XKR5: variants seen among roughly 807,000 people sequenced by gnomAD.
XKR5 encodes XK related 5, also known as XK-related protein 5.
A neutral mutation model predicts 40.8 loss-of-function variants in XKR5; 46 were observed. The observed-to-expected ratio is 1.13, with a 90% CI of 0.89 to 1.44. XKR5 has a LOEUF of 1.44. XKR5 is among the 40% of genes most tolerant of loss of function. The pLI, the probability that XKR5 is intolerant of heterozygous loss-of-function variation, is 0.00. For synonymous variants in XKR5, 466 were observed against 356.1 expected, an observed-to-expected ratio of 1.31 and a Z score of -3.48; for missense variants, 1,169 against 844.7, an observed-to-expected ratio of 1.38 and a Z score of -4.76.
intron 1 of XKR5, 27 bp from the exon 2 acceptor site, chr8:6,832,927 G>T: frequency 6.5e-7 from 1 of 1,527,934 alleles, no homozygotes; most frequent in Non-Finnish European, 8.8e-7. Context: ...AAGGCAAGCA[G>T]GTTGTTGGAA....
In XKR5 at chr8:6,809,986, G is replaced by C. The variant is rs1223263430; in HGVS notation, c.*1212C>G. On this transcript the variant is annotated 3_prime_UTR_variant, in exon 7 of 7. Coordinates refer to ENST00000618742, the MANE Select transcript of XKR5 (RefSeq NM_207411.5). Reference sequence around the variant, plus strand: ...AAGTAGCCAGGCATGGTGCCCACCTGCCAGTAGTCCCAGCTACTCGAGAGG... The same window carrying C: ...AAGTAGCCAGGCATGGTGCCCACCTCCCAGTAGTCCCAGCTACTCGAGAGG... 1.3e-5 allele frequency: 2 copies of C among 152,166 alleles called. No homozygotes were observed. Among genetic ancestry groups the C allele is most frequent in the African/African-American group, 4.8e-5 (2 of 41,418 alleles). The allele number at this position is 152,166 out of a possible 1,614,324, so 9.4% of individuals were successfully genotyped here. A position where few individuals can be genotyped will look rare whatever the true frequency, so the allele number is the denominator to read the frequency against.
At chr8:6,820,047 C>G (rs913792402) in intron 5 of XKR5, among the ~76,000 whole-genome samples, 1 of 152,246 alleles carries the variant, frequency 6.6e-6, no homozygotes. Context: ...TAGCAACAAC[C>G]ATTTCAGAGA....
chr8:6,832,573 G>T lies in XKR5; in HGVS notation c.242+144C>A, dbSNP rs1008795729. On this transcript the variant is annotated intron_variant, in intron 2 of 6. Transcript: ENST00000618742. Reference sequence around the variant, plus strand: ...TGGACCCGGGCATGCCAATATCAGAGCAGGGGTTTGCTGTGGCCGCTTTGA... The same window carrying T: ...TGGACCCGGGCATGCCAATATCAGATCAGGGGTTTGCTGTGGCCGCTTTGA... 4.8e-5 allele frequency: 47 copies of T among 976,504 alleles called. 1 individual carries two copies. Among genetic ancestry groups the T allele is most frequent in the Non-Finnish European group, 4.5e-6 (3 of 665,730 alleles). 60.5% of individuals were successfully genotyped at this position (976,504 alleles called of 1,614,324 possible). A position where few individuals can be genotyped will look rare whatever the true frequency, so the allele number is the denominator to read the frequency against.
intron 2 of XKR5, among the ~76,000 whole-genome samples, chr8:6,831,619 C>T (rs1420205455): frequency 2.0e-5 from 3 of 152,086 alleles, no homozygotes; most frequent in Non-Finnish European, 4.4e-5. Context: ...GCAGCATTGG[C>T]CACGACCCCT....
rs761083619 is a variant in XKR5, at chr8:6,811,537, C to T, written c.1722G>A (p.Lys574=). 8 of 1,534,316 alleles carry T rather than the reference C, an allele frequency of 5.2e-6. No individual in the cohort carries two copies. The African/African-American group carries it at 6.8e-5, about 13-fold the overall frequency. ...QTAHSGRRLG[K]SSPAQPASPH... is the part of the protein sequence containing the mutation. ...GCGATGCAGGCTGGGCAGGGCTGCT[C>T]TTTCCCAGCCTCCTTCCAGAGTGGG... Residue 574 remains lysine (K), a synonymous_variant, in exon 7 of 7, where the codon AAG becomes AAA. Coordinates refer to ENST00000618742, the MANE Select transcript of XKR5 (RefSeq NM_207411.5).
rs1803938691 is a variant in XKR5, at chr8:6,815,930, A to G, written c.808-12T>C. 4 of 1,581,030 alleles carry G rather than the reference A, an allele frequency of 2.5e-6. No individual in the cohort carries two copies. The highest frequency in any genetic ancestry group is 1.7e-6 in the Non-Finnish European group (2 of 1,161,842). On this transcript the variant is annotated splice_polypyrimidine_tract_variant and intron_variant, in intron 5 of 6. Coordinates refer to ENST00000618742, the MANE Select transcript of XKR5 (RefSeq NM_207411.5). The stretch of plus-strand genomic sequence containing the variant: ...TCCAACAGCATGACCTGCGGGACCC[A>G]GGACAGAGGCACCACACCTCGTCAG...
intron 5 of XKR5, among the ~76,000 whole-genome samples, chr8:6,820,168 C>G (rs544690074): frequency 7.9e-5 from 12 of 152,348 alleles, no homozygotes; most frequent in Admixed American, 2.0e-4. Context: ...GCCTAAAGCC[C>G]ATGTTCCCCA....
intron 2 of XKR5, chr8:6,829,112 T>G (rs568340777): frequency 6.3e-5 from 10 of 158,276 alleles, no homozygotes; most frequent in African/African-American, 2.2e-4. Context: ...GGGCTATATT[T>G]TATATACTTT....
intron 4 of XKR5, among the ~76,000 whole-genome samples, chr8:6,823,246 C>T (rs563404484): frequency 2.0e-5 from 3 of 152,166 alleles, no homozygotes; most frequent in Non-Finnish European, 4.4e-5. Context: ...CAATGCTGAG[C>T]CAGTTCTGAG....
Position 6,815,891 on chromosome 8 carries a change from A to G in XKR5, c.835T>C (p.Leu279=), listed in dbSNP as rs546437126. 10 of 1,603,320 alleles carry G rather than the reference A, an allele frequency of 6.2e-6. No individual in the cohort carries two copies. In the Admixed American group the frequency reaches 1.4e-4, roughly 22 times the overall value. ...MVMLLENIIL[L]LLATDFLQGA... ...TGGAGAAAGTCGGTGGCCAACAGCA[A>G]CAGGATGATGTTCTCCAACAGCATG... The change falls in exon 6 of 7, where the codon TTG becomes CTG. Residue 279 remains leucine (L), a synonymous_variant. Transcript: ENST00000618742.
chr8:6,829,912 A>T (rs1299766319), intron 2 of XKR5, among the ~76,000 whole-genome samples: 4 of 128,318 alleles, frequency 3.1e-5, no homozygotes, highest in Non-Finnish European at 4.6e-5. Context: ...ATCTCGGCTC[A>T]CTGCAAGTTC....
chr8:6,832,586 G>A (rs1804818920), intron 2 of XKR5, 131 bp downstream of exon 2: 4 of 1,181,156 alleles, frequency 3.4e-6, no homozygotes, highest in Middle Eastern at 2.5e-4. Context: ...GGGGTTTGCT[G>A]TGGCCGCTTT....
At chr8:6,813,177 G>A (rs1308280820) in intron 6 of XKR5, among the ~76,000 whole-genome samples, 1 of 152,186 alleles carries the variant, frequency 6.6e-6, no homozygotes, top group African/African-American at 2.4e-5. Context: ...TGTCTTGGGG[G>A]ACTGGGAGAC....
At chr8:6,830,083 T>A (rs140329134) in intron 2 of XKR5, among the ~76,000 whole-genome samples, 3,158 of 152,184 alleles carry the variant, frequency 0.021, 81 homozygotes, top group African/African-American at 0.061. Context: ...GTGATCCGCC[T>A]GCCTCGGCCT....
chr8:6,812,217 G>A lies in XKR5; in HGVS notation c.1042C>T (p.Pro348Ser), dbSNP rs1464743813. ...TTCCCAGCTAGATCTGTGGCCCGGG[G>A]AGAATCTCTTCTCTCTGTTTTATCA... ...GGDKTERRDS[P>S]RATDLAGKRT... The change falls in exon 7 of 7, where the codon CCC (proline) becomes TCC (serine). Residue 348 changes from proline (P) to serine (S), a missense_variant. Physicochemically the swap from Pro to Ser is moderately conservative, Grantham distance 74. Coordinates refer to ENST00000618742, the MANE Select transcript of XKR5 (RefSeq NM_207411.5). 9.7e-6 allele frequency: 15 copies of A among 1,551,944 alleles called. No individual in the cohort carries two copies. The highest frequency in any genetic ancestry group is 1.3e-5 in the Non-Finnish European group (15 of 1,147,050).
chr8:6,816,930 A>G (rs1227909561), intron 5 of XKR5, among the ~76,000 whole-genome samples: 4 of 152,150 alleles, frequency 2.6e-5, no homozygotes, highest in Non-Finnish European at 5.9e-5. Flanking sequence ...TCGTAATCCT[A>G]TGAACATCCA....
At chr8:6,823,432 G>T in intron 4 of XKR5, 89 bp downstream of exon 4, 1 of 1,389,162 alleles carries the variant, frequency 7.2e-7, no homozygotes, top group East Asian at 2.5e-5. Context: ...GCCTGGGATT[G>T]AGGATCATAT....
Position 6,811,522 on chromosome 8 carries a change from C to T in XKR5, c.1737G>A (p.Gln579=), listed in dbSNP as rs768078353. Residue 579 remains glutamine, a synonymous_variant, in exon 7 of 7, where the codon CAG becomes CAA. Transcript: ENST00000618742. ...GRRLGKSSPA[Q]PASPHPVGLA... ...AGCCCACTGGGTGGGGCGATGCAGG[C>T]TGGGCAGGGCTGCTCTTTCCCAGCC... 1.9e-5 allele frequency: 29 copies of T among 1,530,958 alleles called. No individual in the cohort carries two copies. The South Asian group carries it at 3.4e-4, about 18-fold the overall frequency. 94.8% of individuals were successfully genotyped at this position (1,530,958 alleles called of 1,614,324 possible).
At chr8:6,818,935 G>A (rs972166628) in intron 5 of XKR5, among the ~76,000 whole-genome samples, 3 of 152,338 alleles carry the variant, frequency 2.0e-5, no homozygotes, top group South Asian at 4.1e-4. Context: ...CCAGTGACTC[G>A]GGAGGCTGAG....
Sources: gnomAD v4.1 joint callset for allele counts (sites outside exome capture counted in the v4.1 genomes callset) on GRCh38, gnomAD v4.1.1 for gene constraint, MANE v1.5 for transcripts, NCBI Gene and HGNC (gene_info 2026-07-23, HGNC 2026-07-21) for gene names.